The following SYNJ2 variants were observed in gnomAD, a reference collection of about 807,000 sequenced individuals.
SYNJ2 encodes the protein synaptojanin 2.
A neutral mutation model predicts 141.3 loss-of-function variants in SYNJ2; 116 were observed. The ratio of observed to expected loss-of-function variants is 0.82; its 90% confidence interval spans 0.71 to 0.96. SYNJ2 has a LOEUF of 0.96. SYNJ2 is among the 40% of genes least tolerant of loss of function. SYNJ2 has a pLI of 0.00. For missense variants in SYNJ2, 1,873 were observed against 1,934.8 expected, an observed-to-expected ratio of 0.97 and a Z score of 0.60; for synonymous variants, 745 against 777.7, an observed-to-expected ratio of 0.96 and a Z score of 0.70.
intron 1 of SYNJ2, among the ~76,000 whole-genome samples, chr6:157,985,237 AACCTGTCTTC>A (rs150441012): frequency 4.4e-4 from 64 of 144,344 alleles, no homozygotes; most frequent in Admixed American, 1.4e-3. Flanking sequence ...CTTCCATCTG[AACCTGTCTTC>A]ACCTGTCTTC....
chr6:157,998,203 A>C (rs1018170441), intron 1 of SYNJ2, among the ~76,000 whole-genome samples: 1 of 152,198 alleles, frequency 6.6e-6, no homozygotes, highest in East Asian at 1.9e-4. Flanking sequence ...CCTTCTGGTC[A>C]CTAGCTCCTC....
chr6:158,063,967 G>A, intron 9 of SYNJ2, 95 bp downstream of exon 9: 1 of 1,318,524 alleles, frequency 7.6e-7, no homozygotes. Context: ...GCAAGATGAG[G>A]GTGGCATCAC....
At chr6:158,006,826 C>G (rs907331589) in intron 1 of SYNJ2, among the ~76,000 whole-genome samples, 2 of 152,162 alleles carry the variant, frequency 1.3e-5, no homozygotes, top group South Asian at 4.1e-4. Flanking sequence ...GCGCATGCCA[C>G]CACACCCAGC....
intron 1 of SYNJ2, among the ~76,000 whole-genome samples, chr6:157,986,516 T>C (rs780981057): frequency 3.3e-5 from 5 of 151,790 alleles, no homozygotes; most frequent in Non-Finnish European, 7.4e-5. Flanking sequence ...GTATTTTTAG[T>C]AGAGAAAGGG....
At chr6:158,087,875 CTTTTTT>C (rs749329722) in intron 23 of SYNJ2, among the ~76,000 whole-genome samples, 6 of 94,502 alleles carry the variant, frequency 6.3e-5, no homozygotes, top group Non-Finnish European at 1.3e-4. Context: ...CAACATACTT[CTTTTTT>C]TTTTTTTTTT....
chr6:158,034,411 G>A (rs529091768), intron 4 of SYNJ2, among the ~76,000 whole-genome samples: 46 of 152,358 alleles, frequency 3.0e-4, no homozygotes, highest in African/African-American at 1.0e-3. Flanking sequence ...ACTGAGTGAA[G>A]GCGTGGCTGT....
chr6:158,013,317 G>T (rs61698616), intron 1 of SYNJ2, among the ~76,000 whole-genome samples: 2,813 of 152,186 alleles, frequency 0.018, 80 homozygotes, highest in African/African-American at 0.064. Flanking sequence ...GGAGGTGGAG[G>T]TTACAGTGAG....
chr6:158,064,992 G>A lies in SYNJ2; in HGVS notation c.1525+1G>A. On this transcript the variant is annotated splice_donor_variant, in intron 11 of 26. Coordinates refer to ENST00000355585, the MANE Select transcript of SYNJ2 (RefSeq NM_003898.4). LOFTEE classifies it high-confidence loss of function. ...CTGCTGGACAGCACGGCGCTCCTGGGTAGGGCCTGCCGCAGACAGGGCGAG... is the reference window on the plus strand; with the variant it reads ...CTGCTGGACAGCACGGCGCTCCTGGATAGGGCCTGCCGCAGACAGGGCGAG... The A allele has an allele frequency of 6.4e-7, 1 of 1,559,552 alleles. No individual in the cohort carries two copies. Among genetic ancestry groups the A allele is most frequent in the Non-Finnish European group, 8.7e-7 (1 of 1,150,266 alleles).
chr6:158,092,316 G>C (rs1417635267), intron 25 of SYNJ2, among the ~76,000 whole-genome samples: 2 of 152,124 alleles, frequency 1.3e-5, no homozygotes, highest in Non-Finnish European at 2.9e-5. Context: ...ACAGACCCCA[G>C]ATCACCACCC....
intron 2 of SYNJ2, chr6:158,026,837 G>A (rs1056124460): frequency 4.1e-6 from 4 of 985,284 alleles, no homozygotes; most frequent in Non-Finnish European, 4.8e-6. Context: ...GAAGAGGCAG[G>A]TGGGTGCCGG....
At chr6:158,056,858 C>A (rs1214567467) in intron 6 of SYNJ2, among the ~76,000 whole-genome samples, 1 of 152,298 alleles carries the variant, frequency 6.6e-6, no homozygotes, top group Middle Eastern at 3.4e-3. Context: ...GCATGGGTGC[C>A]CCTGTTAGCC....
intron 23 of SYNJ2, among the ~76,000 whole-genome samples, chr6:158,087,508 G>A (rs1446617085): frequency 6.6e-6 from 1 of 152,160 alleles, no homozygotes; most frequent in African/African-American, 2.4e-5. Context: ...ACAATGCTTT[G>A]CCCGTCCAGC....
chr6:158,019,517 G>A (rs567674959), intron 2 of SYNJ2, among the ~76,000 whole-genome samples: 1 of 152,182 alleles, frequency 6.6e-6, no homozygotes, highest in Non-Finnish European at 1.5e-5. Flanking sequence ...GGGTGTCTGC[G>A]GGGGTCAGCA....
chr6:158,050,349 A>G (rs1053747158), intron 5 of SYNJ2, among the ~76,000 whole-genome samples: 3 of 152,240 alleles, frequency 2.0e-5, no homozygotes, highest in Admixed American at 1.3e-4. Flanking sequence ...AGGAGGTCCA[A>G]CGACCACACT....
chr6:158,035,297 T>G (rs926283325), intron 4 of SYNJ2, among the ~76,000 whole-genome samples: 1 of 152,228 alleles, frequency 6.6e-6, no homozygotes, highest in African/African-American at 2.4e-5. Flanking sequence ...ATGATATTGA[T>G]TCTTCTTATC....
At chr6:158,018,399 G>C (rs1778585350) in intron 2 of SYNJ2, among the ~76,000 whole-genome samples, 1 of 152,186 alleles carries the variant, frequency 6.6e-6, no homozygotes, top group Admixed American at 6.5e-5. Flanking sequence ...AGTCCCACCT[G>C]GCTGAGATGG....
chr6:158,066,377 T>G (rs1781565658), intron 11 of SYNJ2, 67 bp from the exon 12 acceptor site: 2 of 1,573,486 alleles, frequency 1.3e-6, no homozygotes, highest in African/African-American at 1.3e-5. Context: ...CAGCCTCATC[T>G]GTCTTTTTGG....
rs58284240 is a variant in SYNJ2, at chr6:158,000,064, CTTTTTTTTTTTTTTTTTTTTTT to C, written c.128-17122_128-17101del. Among the ~76,000 whole-genome samples the C allele has an allele frequency of 3.2e-3, 270 of 85,594 alleles. 4 individuals carry two copies. Among genetic ancestry groups the C allele is most frequent in the African/African-American group, 0.011 (252 of 23,462 alleles). 56.2% of individuals were successfully genotyped at this position (85,594 alleles called of 152,430 possible). Reference sequence around the variant, plus strand: ...GCCAGGTTCTCACCAAGCCAAAAGGCTTTTTTTTTTTTTTTTTTTTTTTTTTTTTTTTTTTTTTTGAGGCAGG... The same window carrying C: ...GCCAGGTTCTCACCAAGCCAAAAGGCTTTTTTTTTTTTTTTTTGAGGCAGG... On this transcript the variant is annotated intron_variant, in intron 1 of 26. Coordinates refer to ENST00000355585, the MANE Select transcript of SYNJ2 (RefSeq NM_003898.4).
intron 1 of SYNJ2, among the ~76,000 whole-genome samples, chr6:157,987,267 G>A (rs190742413): frequency 2.6e-5 from 4 of 151,730 alleles, no homozygotes; most frequent in Admixed American, 6.6e-5. Flanking sequence ...GATTATAGGC[G>A]TGAGCCACTG....
Sources: allele counts gnomAD v4.1 joint callset (sites outside exome capture counted in the v4.1 genomes callset), GRCh38; gene constraint gnomAD v4.1.1; transcripts MANE v1.5; gene names NCBI Gene and HGNC (gene_info 2026-07-23, HGNC 2026-07-21).